Variants in AGBL4 observed in about 807,000 individuals in gnomAD.
AGBL4 encodes the protein cytosolic carboxypeptidase 6.
A neutral mutation model predicts 66.4 loss-of-function variants in AGBL4; 58 were observed. The observed-to-expected ratio is 0.87, with a 90% confidence interval of 0.71 to 1.09. AGBL4 has a LOEUF of 1.09. Among genes scored for constraint, AGBL4 ranks in the 50% least tolerant of loss-of-function variants. AGBL4 has a pLI of 0.00. For synonymous variants in AGBL4, 234 were observed against 222.9 expected (o/e 1.05, Z -0.44); for missense variants, 579 against 631.0 (o/e 0.92, Z 0.88).
At chr1:48,605,152 T>A (rs1204879483) in intron 9 of AGBL4, among the ~76,000 whole-genome samples, 3 of 152,210 alleles carry the variant, frequency 2.0e-5, no homozygotes, top group Non-Finnish European at 4.4e-5. Context: ...AAAATCTAGA[T>A]CTATCCATAA....
At chr1:49,126,598 CT>C (rs1221887251) in intron 4 of AGBL4, among the ~76,000 whole-genome samples, 2 of 152,152 alleles carry the variant, frequency 1.3e-5, no homozygotes, top group South Asian at 2.1e-4. Flanking sequence ...ACTTTACTAA[CT>C]TTCCCAGATT....
chr1:49,850,500 C>T (rs1445985403), intron 2 of AGBL4, among the ~76,000 whole-genome samples: 1 of 152,160 alleles, frequency 6.6e-6, no homozygotes, highest in Non-Finnish European at 1.5e-5. Flanking sequence ...CAATAAACAT[C>T]TGTTGTTTAA....
intron 5 of AGBL4, among the ~76,000 whole-genome samples, chr1:49,024,723 T>A (rs1424520171): frequency 6.6e-6 from 1 of 152,180 alleles, no homozygotes; most frequent in African/African-American, 2.4e-5. Context: ...TTCGGGGAGC[T>A]TGGAGTCTAA....
intron 3 of AGBL4, among the ~76,000 whole-genome samples, chr1:49,569,489 A>G (rs1644283491): frequency 6.6e-6 from 1 of 152,186 alleles, no homozygotes; most frequent in South Asian, 2.1e-4. Context: ...CCATAAATAT[A>G]TATACCTACT....
intron 1 of AGBL4, among the ~76,000 whole-genome samples, chr1:49,945,115 G>T (rs528315714): frequency 6.6e-6 from 1 of 152,070 alleles, no homozygotes; most frequent in African/African-American, 2.4e-5. Flanking sequence ...AGAAAGAAGA[G>T]AATCGAAAAG....
chr1:49,650,631 T>C (rs1261297412), intron 3 of AGBL4, among the ~76,000 whole-genome samples: 1 of 152,162 alleles, frequency 6.6e-6, no homozygotes, highest in Non-Finnish European at 1.5e-5. Context: ...CCTGCAAATA[T>C]ACCACAGACT....
intron 11 of AGBL4, among the ~76,000 whole-genome samples, chr1:48,550,306 C>A (rs1644229900): frequency 6.6e-6 from 1 of 152,156 alleles, no homozygotes; most frequent in Non-Finnish European, 1.5e-5. Context: ...CACAGGCCTG[C>A]ATTCCCTCCA....
chr1:49,718,239 C>A (rs866127289), intron 2 of AGBL4, among the ~76,000 whole-genome samples: 2 of 151,990 alleles, frequency 1.3e-5, no homozygotes, highest in Non-Finnish European at 2.9e-5. Flanking sequence ...ACAGTTAGTT[C>A]ACACAAGGTC....
chr1:49,671,795 T>A (rs749906167), intron 3 of AGBL4, among the ~76,000 whole-genome samples: 57 of 152,170 alleles, frequency 3.7e-4, no homozygotes, highest in Middle Eastern at 6.8e-3. Flanking sequence ...TACCATCTCA[T>A]ACCAGTCAAA....
chr1:49,837,171 C>A (rs905591791), intron 2 of AGBL4, among the ~76,000 whole-genome samples: 4 of 152,210 alleles, frequency 2.6e-5, no homozygotes, highest in Non-Finnish European at 2.9e-5. Flanking sequence ...CCCTTCCCCC[C>A]AGGTGCTCTG....
intron 1 of AGBL4, among the ~76,000 whole-genome samples, chr1:49,907,878 T>C (rs143540920): frequency 6.8e-4 from 104 of 152,108 alleles, no homozygotes; most frequent in Middle Eastern, 3.4e-3. Context: ...ATGTTGATAA[T>C]TGGAGAGGCT....
chr1:49,174,166 A>T (rs908155410), intron 4 of AGBL4, among the ~76,000 whole-genome samples: 43 of 152,194 alleles, frequency 2.8e-4, no homozygotes, highest in African/African-American at 1.0e-3. Context: ...CAATGAAGTT[A>T]ATTTTTTTAA....
chr1:49,481,198 T>C (rs1646949292), intron 3 of AGBL4, among the ~76,000 whole-genome samples: 3 of 152,138 alleles, frequency 2.0e-5, no homozygotes. Context: ...GGAACAGCAT[T>C]GAATCTATAA....
intron 4 of AGBL4, among the ~76,000 whole-genome samples, chr1:49,090,693 A>G (rs1459450841): frequency 6.6e-6 from 1 of 152,164 alleles, no homozygotes; most frequent in African/African-American, 2.4e-5. Context: ...TGCTATTCCT[A>G]TCAAACTACC....
rs1231352500 is a variant in AGBL4, at chr1:49,939,428, C to T, written c.34+84335G>A. 2.0e-5 allele frequency among the ~76,000 whole-genome samples: 3 copies of T among 152,130 alleles called. No individual in the cohort carries two copies. The East Asian group carries it at 5.8e-4, about 29-fold the overall frequency. The stretch of plus-strand genomic sequence containing the variant: ...TAAGCCAAAAGAACAAAGCTGGAGG[C>T]ATCACGCTACCTGACTTCAAACTAT... On this transcript the variant is annotated intron_variant, in intron 1 of 13. Transcript: ENST00000371839.
intron 11 of AGBL4, among the ~76,000 whole-genome samples, chr1:48,573,127 A>G (rs575962068): frequency 6.6e-6 from 1 of 152,266 alleles, no homozygotes; most frequent in South Asian, 2.1e-4. Flanking sequence ...TTTCTGTCCA[A>G]TAGAGCAACA....
At chr1:49,980,817 C>G (rs1658998608) in intron 1 of AGBL4, among the ~76,000 whole-genome samples, 1 of 152,156 alleles carries the variant, frequency 6.6e-6, no homozygotes. Context: ...CTCTTAACTT[C>G]AAGATAAACT....
intron 5 of AGBL4, among the ~76,000 whole-genome samples, chr1:48,994,089 T>G (rs1229856455): frequency 1.3e-5 from 2 of 152,156 alleles, no homozygotes; most frequent in Non-Finnish European, 2.9e-5. Context: ...TCTAAGACCC[T>G]TCAGTCTTGA....
chr1:48,565,367 C>G (rs1011250666), intron 11 of AGBL4, among the ~76,000 whole-genome samples: 1 of 152,180 alleles, frequency 6.6e-6, no homozygotes, highest in Admixed American at 6.5e-5. Context: ...GGAAGTGGAG[C>G]TGGGCTTCTA....
Sources: gnomAD v4.1 joint callset for allele counts (sites outside exome capture counted in the v4.1 genomes callset) on GRCh38, gnomAD v4.1.1 for gene constraint, MANE v1.5 for transcripts, NCBI Gene and HGNC (gene_info 2026-07-23, HGNC 2026-07-21) for gene names.